The following NTRK2 variants were observed in gnomAD, a reference collection of about 807,000 sequenced individuals.
NTRK2 encodes neurotrophic receptor tyrosine kinase 2, also known as BDNF/NT-3 growth factors receptor.
Under a neutral mutation model 94.5 loss-of-function variants are expected in NTRK2, and 13 were observed. That is an observed-to-expected ratio of 0.14 (90% CI 0.09 to 0.22). The LOEUF (loss-of-function observed/expected upper bound fraction) is 0.22, where lower values mean the gene tolerates loss of function less well. NTRK2 is among the 10% of genes least tolerant of loss of function. The pLI, the probability that NTRK2 is intolerant of heterozygous loss-of-function variation, is 1.00. For synonymous variants in NTRK2, 372 were observed against 407.4 expected, an observed-to-expected ratio of 0.91 and a Z score of 1.05; for missense variants, 639 against 1,071.2, an observed-to-expected ratio of 0.60 and a Z score of 5.63.
intron 14 of NTRK2, among the ~76,000 whole-genome samples, chr9:84,883,481 A>G (rs949128629): frequency 1.3e-5 from 2 of 152,184 alleles, no homozygotes; most frequent in Admixed American, 1.3e-4. Context: ...CAGGAGTTGA[A>G]AAGGCATTTA....
chr9:84,723,785 G>A, intron 7 of NTRK2, 76 bp downstream of exon 7: 1 of 1,571,030 alleles, frequency 6.4e-7, no homozygotes, highest in Admixed American at 1.7e-5. Flanking sequence ...TAAACCTAGT[G>A]ATGATCATTT....
intron 12 of NTRK2, among the ~76,000 whole-genome samples, chr9:84,845,587 C>T (rs918233686): frequency 2.0e-5 from 3 of 152,046 alleles, no homozygotes; most frequent in Admixed American, 2.0e-4. Context: ...ACTACTCAGC[C>T]ATAAAAACGA....
intron 15 of NTRK2, among the ~76,000 whole-genome samples, chr9:84,938,782 G>A (rs2132767774): frequency 6.6e-6 from 1 of 152,188 alleles, no homozygotes; most frequent in Non-Finnish European, 1.5e-5. Flanking sequence ...CAGGTGTGGT[G>A]GCTCATGCCT....
At chr9:84,678,175 A>C (rs72737653) in intron 2 of NTRK2, among the ~76,000 whole-genome samples, 11,120 of 152,252 alleles carry the variant, frequency 0.073, 455 homozygotes, top group Middle Eastern at 0.14. Flanking sequence ...TTTCTGAATA[A>C]TTGAGAATGT....
chr9:84,972,228 T>C (rs1281264154), intron 17 of NTRK2, among the ~76,000 whole-genome samples: 1 of 152,152 alleles, frequency 6.6e-6, no homozygotes, highest in Non-Finnish European at 1.5e-5. Flanking sequence ...CAGAACTGTG[T>C]CTGTTGCATA....
intron 9 of NTRK2, among the ~76,000 whole-genome samples, chr9:84,741,338 T>C (rs2063633484): frequency 6.6e-6 from 1 of 152,192 alleles, no homozygotes; most frequent in African/African-American, 2.4e-5. Flanking sequence ...TTCTTTGTTG[T>C]GTTAGGGCTT....
chr9:84,978,736 T>C (rs1016412740), intron 17 of NTRK2, among the ~76,000 whole-genome samples: 3 of 152,354 alleles, frequency 2.0e-5, no homozygotes, highest in Admixed American at 2.0e-4. Flanking sequence ...AGTCAGTGCC[T>C]GGCTTCAAAG....
rs537283293 is a variant in NTRK2, at chr9:84,830,092, T to A, written c.1397-30948T>A. 4.6e-5 allele frequency among the ~76,000 whole-genome samples: 7 copies of A among 152,270 alleles called. No individual in the cohort carries two copies. In the East Asian group the frequency reaches 1.4e-3, roughly 29 times the overall value. Reference sequence around the variant, plus strand: ...CACCTATCATCTCGCTGGTTGAAAGTTAGATTTAAGACATGTTGGCATTCA... The same window carrying A: ...CACCTATCATCTCGCTGGTTGAAAGATAGATTTAAGACATGTTGGCATTCA... On this transcript the variant is annotated intron_variant, in intron 12 of 18. Transcript: ENST00000277120.
At chr9:85,010,918 A>G (rs1211328884) in intron 17 of NTRK2, among the ~76,000 whole-genome samples, 2 of 152,130 alleles carry the variant, frequency 1.3e-5, no homozygotes, top group Non-Finnish European at 2.9e-5. Context: ...TCCCTATGTC[A>G]TGGGGAAAAT....
chr9:84,697,107 C>T (rs1371363106), intron 2 of NTRK2, among the ~76,000 whole-genome samples: 4 of 152,104 alleles, frequency 2.6e-5, no homozygotes, highest in Admixed American at 2.6e-4. Context: ...CTAAGGAGTA[C>T]CAAATGAAAC....
intron 14 of NTRK2, among the ~76,000 whole-genome samples, chr9:84,879,506 A>C (rs2076192422): frequency 6.6e-6 from 1 of 152,188 alleles, no homozygotes; most frequent in Non-Finnish European, 1.5e-5. Context: ...AATGCTTTTT[A>C]TGGGCCAGGC....
chr9:84,818,375 T>G (rs766893187), intron 12 of NTRK2, among the ~76,000 whole-genome samples: 29 of 152,220 alleles, frequency 1.9e-4, no homozygotes, highest in Non-Finnish European at 4.0e-4. Flanking sequence ...TGGCCACTCC[T>G]ACTAGCACTG....
At chr9:84,833,720 G>T (rs1249284243) in intron 12 of NTRK2, among the ~76,000 whole-genome samples, 3 of 152,116 alleles carry the variant, frequency 2.0e-5, no homozygotes, top group Admixed American at 6.6e-5. Context: ...TCTTACTCTT[G>T]TATTTTAGGA....
Position 84,692,196 on chromosome 9 carries a change from T to C in NTRK2, c.213-9963T>C, listed in dbSNP as rs117004353. On this transcript the variant is annotated intron_variant, in intron 2 of 18. Transcript: ENST00000277120. ...AAGATCTGAGACCTAATGTAAAATA[T>C]ACAATTATATTAATTAAATACGTTG... Among the ~76,000 whole-genome samples, 404 of 152,204 alleles carry C rather than the reference T, an allele frequency of 2.7e-3. 1 individual carries two copies. Among genetic ancestry groups the C allele is most frequent in the Non-Finnish European group, 4.6e-3 (312 of 68,008 alleles).
intron 17 of NTRK2, among the ~76,000 whole-genome samples, chr9:84,971,475 T>C (rs932768743): frequency 1.4e-4 from 21 of 152,196 alleles, no homozygotes; most frequent in African/African-American, 4.8e-4. Context: ...GAGGGCATCT[T>C]TGAGCCCTGG....
Position 84,912,779 on chromosome 9 carries a change from G to A in NTRK2, c.1634-21383G>A, listed in dbSNP as rs548217852. ...ACTACAGGCGCCCACCACCACCCCC[G>A]GCTAATTTTTGTATTTTTAGTAGAG... On this transcript the variant is annotated intron_variant, in intron 14 of 18. Coordinates refer to ENST00000277120, the MANE Select transcript of NTRK2 (RefSeq NM_006180.6). Among the ~76,000 whole-genome samples the A allele has an allele frequency of 2.1e-4, 32 of 151,414 alleles. 1 individual carries two copies. Among genetic ancestry groups the A allele is most frequent in the African/African-American group, 7.0e-4 (29 of 41,304 alleles).
intron 12 of NTRK2, among the ~76,000 whole-genome samples, chr9:84,823,780 C>T (rs1478815862): frequency 1.3e-5 from 2 of 152,164 alleles, no homozygotes; most frequent in African/African-American, 4.8e-5. Flanking sequence ...TTTAAGGTCT[C>T]TATGAGCCAA....
At chr9:84,975,754 T>C (rs1230610485) in intron 17 of NTRK2, among the ~76,000 whole-genome samples, 7 of 152,182 alleles carry the variant, frequency 4.6e-5, no homozygotes, top group Admixed American at 3.9e-4. Flanking sequence ...TGGTAGGAAA[T>C]ATGTGTGATA....
intron 17 of NTRK2, among the ~76,000 whole-genome samples, chr9:84,957,676 G>A (rs143953741): frequency 6.6e-4 from 101 of 152,298 alleles, no homozygotes; most frequent in South Asian, 3.3e-3. Flanking sequence ...TTGGAAAACC[G>A]TTTGGTAGTT....
Sources: gnomAD v4.1 joint callset for allele counts (sites outside exome capture counted in the v4.1 genomes callset) on GRCh38, gnomAD v4.1.1 for gene constraint, MANE v1.5 for transcripts, NCBI Gene and HGNC (gene_info 2026-07-23, HGNC 2026-07-21) for gene names.